CYRIB: variants seen among roughly 807,000 people sequenced by gnomAD.
CYRIB encodes CYFIP-related Rac1 interactor B.
CYRIB carries 8 observed loss-of-function variants against 44.2 expected under a neutral mutation model. The ratio of observed to expected loss-of-function variants is 0.18; its 90% CI spans 0.11 to 0.33. The LOEUF is 0.33. Among genes scored for constraint, CYRIB ranks in the 10% least tolerant of loss-of-function variants. The probability of loss-of-function intolerance (pLI) is 1.00; values close to 1 mark genes in which losing one functional copy is unlikely to be tolerated. For missense variants in CYRIB, 185 were observed against 382.8 expected, an observed-to-expected ratio of 0.48 and a Z score of 4.31; for synonymous variants, 131 against 127.2, an observed-to-expected ratio of 1.03 and a Z score of -0.20.
intron 6 of CYRIB, 61 bp from the exon 9 acceptor site, chr8:129,854,404 A>C (rs2045015532): frequency 1.6e-6 from 2 of 1,254,110 alleles, no homozygotes; most frequent in Non-Finnish European, 2.3e-6. Context: ...AAAAAAACTA[A>C]GTAAAAAATC....
intron 2 of CYRIB, among the ~76,000 whole-genome samples, chr8:129,889,619 G>T (rs765546100): frequency 6.6e-6 from 1 of 152,068 alleles, no homozygotes; most frequent in Non-Finnish European, 1.5e-5. Context: ...TGACTGTGAG[G>T]GGGGTTCAAG....
chr8:129,989,310 C>A (rs941434580), intron 1 of CYRIB, among the ~76,000 whole-genome samples: 3 of 152,172 alleles, frequency 2.0e-5, no homozygotes, highest in African/African-American at 7.2e-5. Context: ...ATGGCCAACA[C>A]CAGCAGCACA....
chr8:129,935,425 G>T (rs1165881881), intron 1 of CYRIB, among the ~76,000 whole-genome samples: 3 of 152,116 alleles, frequency 2.0e-5, no homozygotes, highest in Admixed American at 2.0e-4. Context: ...TTCTCACATG[G>T]AGCACAAAAC....
rs780110646 is a variant in CYRIB, at chr8:129,871,502, C to T, written c.74-6G>A. 3.7e-6 allele frequency: 6 copies of T among 1,606,200 alleles called. No homozygotes were observed. In the East Asian group the frequency reaches 1.3e-4, roughly 36 times the overall value. ...AGACTCTGTAGGCTGGGCATCTAAACAGCAGGAAAGCACAAGAAAATTTAC... is the reference window on the plus strand; with the variant it reads ...AGACTCTGTAGGCTGGGCATCTAAATAGCAGGAAAGCACAAGAAAATTTAC... On this transcript the variant is annotated splice_polypyrimidine_tract_variant and splice_region_variant and intron_variant, in intron 3 of 11. Coordinates refer to ENST00000519824, the Ensembl canonical transcript of CYRIB.
intron 11 of CYRIB, 69 bp from the exon 14 acceptor site, chr8:129,842,274 T>TATG: frequency 9.2e-7 from 1 of 1,083,488 alleles, no homozygotes. Context: ...GTTCTCTAAT[T>TATG]ATGACAGGAT....
At chr8:129,978,036 G>GGT (rs748668680) in intron 1 of CYRIB, among the ~76,000 whole-genome samples, 79 of 152,256 alleles carry the variant, frequency 5.2e-4, no homozygotes, top group Non-Finnish European at 7.4e-4. Context: ...AAGCTCCCGA[G>GGT]TAGCTGGGGT....
At chr8:129,878,428 A>G (rs1274191158) in intron 3 of CYRIB, among the ~76,000 whole-genome samples, 1 of 152,240 alleles carries the variant, frequency 6.6e-6, no homozygotes, top group African/African-American at 2.4e-5. Flanking sequence ...CTGGGGTTTA[A>G]GTGATTTATT....
intron 1 of CYRIB, among the ~76,000 whole-genome samples, chr8:129,934,299 T>G (rs1209431938): frequency 6.6e-6 from 1 of 152,180 alleles, no homozygotes; most frequent in East Asian, 1.9e-4. Flanking sequence ...TTACACTCAA[T>G]GACTAACAAT....
intron 1 of CYRIB, among the ~76,000 whole-genome samples, chr8:129,985,443 T>A (rs1334716737): frequency 6.6e-6 from 1 of 152,136 alleles, no homozygotes; most frequent in African/African-American, 2.4e-5. Flanking sequence ...CCACTGCCTC[T>A]CGCTTGCCCA....
At chr8:129,925,119 C>T (rs973658705) in intron 1 of CYRIB, among the ~76,000 whole-genome samples, 12 of 152,052 alleles carry the variant, frequency 7.9e-5, no homozygotes, top group Non-Finnish European at 1.3e-4. Context: ...ATGTTTAGGC[C>T]GGGAGCGATG....
intron 1 of CYRIB, among the ~76,000 whole-genome samples, chr8:129,923,903 AT>A (rs143413060): frequency 0.015 from 2,200 of 147,196 alleles, 66 homozygotes; most frequent in African/African-American, 0.052. Flanking sequence ...ATAGATGATA[AT>A]TTTTTTTTTA....
At chr8:129,851,902 C>T in intron 8 of CYRIB, 1 of 344,984 alleles carries the variant, frequency 2.9e-6, no homozygotes, top group Non-Finnish European at 5.2e-6. Context: ...AAAGAAAGGG[C>T]AGGGTTAGAA....
At chr8:129,968,910 T>C (rs1303669780) in intron 2 of CYRIB, among the ~76,000 whole-genome samples, 1 of 151,416 alleles carries the variant, frequency 6.6e-6, no homozygotes, top group Non-Finnish European at 1.5e-5. Context: ...AGAGCCACCG[T>C]GCCATTAAAA....
chr8:129,946,947 G>A, intron 2 of CYRIB, among the ~76,000 whole-genome samples: 1 of 151,958 alleles, frequency 6.6e-6, no homozygotes, highest in East Asian at 1.9e-4. Flanking sequence ...TTCCAAAGGT[G>A]AACCCCCCAT....
chr8:129,982,596 C>T (rs2096278634), intron 1 of CYRIB, among the ~76,000 whole-genome samples: 1 of 152,178 alleles, frequency 6.6e-6, no homozygotes, highest in Non-Finnish European at 1.5e-5. Flanking sequence ...CTTGTTGCTT[C>T]ATCTGTAATC....
chr8:129,938,471 T>C (rs1358481763), intron 1 of CYRIB, among the ~76,000 whole-genome samples: 1 of 152,054 alleles, frequency 6.6e-6, no homozygotes, highest in African/African-American at 2.4e-5. Flanking sequence ...GATTAAGGGG[T>C]AAAAAGGTGG....
intron 10 of CYRIB, 150 bp from the exon 13 acceptor site, chr8:129,847,024 C>A: frequency 1.9e-6 from 1 of 530,696 alleles, no homozygotes; most frequent in South Asian, 2.9e-5. Flanking sequence ...CAGAAAAAAA[C>A]CCAACCTAAG....
chr8:129,994,838 G>C (rs1479102431), intron 1 of CYRIB, among the ~76,000 whole-genome samples: 1 of 152,230 alleles, frequency 6.6e-6, no homozygotes, highest in Non-Finnish European at 1.5e-5. Flanking sequence ...GGAAAATGTG[G>C]CCAAGGCCAC....
rs972630732 is a variant in CYRIB, at chr8:129,930,241, C to G, written c.-50+9367G>C. Among the ~76,000 whole-genome samples, 42 of 150,236 alleles carry G rather than the reference C, an allele frequency of 2.8e-4. 1 individual carries two copies. The highest frequency in any genetic ancestry group is 2.8e-3 in the Admixed American group (42 of 15,092). ...AAACAAACAAACAAATAAAACTGTTCATTCATCTCTTACTTATGAGACCCT... is the reference window on the plus strand; with the variant it reads ...AAACAAACAAACAAATAAAACTGTTGATTCATCTCTTACTTATGAGACCCT... On this transcript the variant is annotated intron_variant, in intron 1 of 11. Transcript: ENST00000519824.
Sources: gnomAD v4.1 joint callset for allele counts (sites outside exome capture counted in the v4.1 genomes callset) on GRCh38, gnomAD v4.1.1 for gene constraint, MANE v1.5 for transcripts, NCBI Gene and HGNC (gene_info 2026-07-23, HGNC 2026-07-21) for gene names.